Variants in EXOC4 observed in about 807,000 individuals in gnomAD.
EXOC4 encodes the protein SEC8-like 1.
EXOC4 carries 71 observed loss-of-function variants against 107.2 expected under a neutral mutation model. The ratio of observed to expected loss-of-function variants is 0.66; its 90% CI spans 0.55 to 0.81. EXOC4 has a LOEUF of 0.81. EXOC4 is among the 30% of genes least tolerant of loss of function. The pLI is 0.00. For missense variants in EXOC4, 1,108 were observed against 1,189.6 expected (o/e 0.93, Z 1.01); for synonymous variants, 456 against 441.2 (o/e 1.03, Z -0.42).
chr7:133,781,114 C>T (rs1343349430), intron 10 of EXOC4, among the ~76,000 whole-genome samples: 1 of 152,194 alleles, frequency 6.6e-6, no homozygotes, highest in East Asian at 1.9e-4. Flanking sequence ...AAAATGCTGA[C>T]TCTTGGATAT....
intron 7 of EXOC4, among the ~76,000 whole-genome samples, chr7:133,474,992 T>C (rs1344933282): frequency 6.6e-6 from 1 of 152,134 alleles, no homozygotes; most frequent in Non-Finnish European, 1.5e-5. Context: ...GCTGCTGTAG[T>C]TTGGAATATG....
intron 17 of EXOC4, among the ~76,000 whole-genome samples, chr7:134,011,330 A>G (rs755153127): frequency 3.3e-5 from 5 of 152,104 alleles, no homozygotes; most frequent in Non-Finnish European, 5.9e-5. Flanking sequence ...GAGTGACGCC[A>G]TTGTTCAAAA....
At position 134,057,170 on chromosome 7, in the gene EXOC4, C is replaced by A. The variant is rs528935196; in HGVS notation, c.2688-7121C>A. Among the ~76,000 whole-genome samples, 165 of 152,252 alleles carry A rather than the reference C, an allele frequency of 1.1e-3. 3 individuals are homozygous for A. The South Asian group carries it at 0.032, about 30-fold the overall frequency. Reference sequence around the variant, plus strand: ...TGCATGTGTCACTATATATAAAAAACAGGTAGGTAGATGACCGATCAAAGA... The same window carrying A: ...TGCATGTGTCACTATATATAAAAAAAAGGTAGGTAGATGACCGATCAAAGA... On this transcript the variant is annotated intron_variant, in intron 17 of 17. Coordinates refer to ENST00000253861, the MANE Select transcript of EXOC4 (RefSeq NM_021807.4).
chr7:134,060,325 T>G (rs1796026759), intron 17 of EXOC4, among the ~76,000 whole-genome samples: 1 of 152,184 alleles, frequency 6.6e-6, no homozygotes. Context: ...AACTCTTTGG[T>G]CTCCAGAATA....
intron 9 of EXOC4, among the ~76,000 whole-genome samples, chr7:133,501,869 A>G (rs769252920): frequency 6.6e-6 from 1 of 152,120 alleles, no homozygotes; most frequent in Non-Finnish European, 1.5e-5. Context: ...TTGTAAGCCC[A>G]CTTATTATTT....
At chr7:133,296,809 C>T (rs1794529659) in intron 3 of EXOC4, among the ~76,000 whole-genome samples, 1 of 151,986 alleles carries the variant, frequency 6.6e-6, no homozygotes, top group Admixed American at 6.6e-5. Context: ...ATTTGGCTTG[C>T]TTGGCTATGG....
At chr7:134,030,616 C>A (rs1795246352) in intron 17 of EXOC4, among the ~76,000 whole-genome samples, 1 of 152,118 alleles carries the variant, frequency 6.6e-6, no homozygotes, top group Admixed American at 6.5e-5. Context: ...GATTTAATGA[C>A]AAAGGCTTGG....
intron 11 of EXOC4, among the ~76,000 whole-genome samples, chr7:133,836,603 A>C (rs7800126): frequency 0.46 from 69,968 of 152,048 alleles, 17,095 homozygotes; most frequent in African/African-American, 0.62. Flanking sequence ...CTCTAAAGGC[A>C]GAACACGTTT....
chr7:133,559,475 A>G (rs912039311), intron 9 of EXOC4, among the ~76,000 whole-genome samples: 2 of 152,268 alleles, frequency 1.3e-5, no homozygotes, highest in East Asian at 1.9e-4. Flanking sequence ...GGGTCTCAGT[A>G]TCTTTTGTTG....
intron 9 of EXOC4, among the ~76,000 whole-genome samples, chr7:133,574,645 G>C (rs77112963): frequency 6.6e-6 from 1 of 152,026 alleles, no homozygotes; most frequent in Admixed American, 6.5e-5. Flanking sequence ...CACGAATGAA[G>C]AATGAAGCTC....
chr7:133,608,674 G>T (rs1321740735), intron 9 of EXOC4, among the ~76,000 whole-genome samples: 1 of 147,960 alleles, frequency 6.8e-6, no homozygotes, highest in Non-Finnish European at 1.5e-5. Flanking sequence ...CCCAGCTCCT[G>T]AGTAGCTGGG....
intron 9 of EXOC4, among the ~76,000 whole-genome samples, chr7:133,608,110 G>A (rs1764727959): frequency 6.6e-6 from 1 of 151,956 alleles, no homozygotes; most frequent in Admixed American, 6.6e-5. Context: ...TTTTCCTGGG[G>A]GTTTATTGTT....
At chr7:133,728,949 G>T (rs537615139) in intron 10 of EXOC4, among the ~76,000 whole-genome samples, 1 of 152,208 alleles carries the variant, frequency 6.6e-6, no homozygotes, top group South Asian at 2.1e-4. Context: ...TCTCCTCCCA[G>T]GAGGATTATT....
In EXOC4 at chr7:133,287,379, C is replaced by T. The variant is rs369075800; in HGVS notation, c.277-1543C>T. ...AGGCTGGAGTGCAGTGGCACGATCTCGGCTCACTGCAAGCTCTGCCTCCCA... is the reference window on the plus strand; with the variant it reads ...AGGCTGGAGTGCAGTGGCACGATCTTGGCTCACTGCAAGCTCTGCCTCCCA... On this transcript the variant is annotated intron_variant, in intron 2 of 17. Transcript: ENST00000253861. Among the ~76,000 whole-genome samples the T allele has an allele frequency of 2.9e-4, 44 of 152,100 alleles. 1 individual carries two copies. Among genetic ancestry groups the T allele is most frequent in the Middle Eastern group, 3.4e-3 (1 of 294 alleles).
chr7:134,000,238 T>C (rs7785128), intron 15 of EXOC4, among the ~76,000 whole-genome samples: 111,325 of 152,008 alleles, frequency 0.73, 41,476 homozygotes, highest in East Asian at 0.91. Context: ...TGAATGTAGA[T>C]GCACTTACTC....
intron 10 of EXOC4, among the ~76,000 whole-genome samples, chr7:133,736,985 A>G (rs1795457233): frequency 6.6e-6 from 1 of 152,196 alleles, no homozygotes; most frequent in Non-Finnish European, 1.5e-5. Flanking sequence ...CACCTATGCC[A>G]TAAACATCAT....
At chr7:133,669,710 G>T (rs1395464540) in intron 10 of EXOC4, among the ~76,000 whole-genome samples, 1 of 152,154 alleles carries the variant, frequency 6.6e-6, no homozygotes, top group Non-Finnish European at 1.5e-5. Context: ...GTAAGAGATG[G>T]TGTTCAGAAA....
chr7:133,680,589 C>T (rs1434555434), intron 10 of EXOC4, among the ~76,000 whole-genome samples: 1 of 152,136 alleles, frequency 6.6e-6, no homozygotes, highest in Non-Finnish European at 1.5e-5. Flanking sequence ...ACTCTCCACC[C>T]CCATCTTGTA....
At chr7:133,475,630 C>A (rs1490447297) in intron 8 of EXOC4, among the ~76,000 whole-genome samples, 157 bp downstream of exon 8, 1 of 152,078 alleles carries the variant, frequency 6.6e-6, no homozygotes, top group Non-Finnish European at 1.5e-5. Flanking sequence ...TTTTTGTTTT[C>A]TGTCAGGTGA....
Sources: gnomAD v4.1 joint callset for allele counts (sites outside exome capture counted in the v4.1 genomes callset) on GRCh38, gnomAD v4.1.1 for gene constraint, MANE v1.5 for transcripts, NCBI Gene and HGNC (gene_info 2026-07-23, HGNC 2026-07-21) for gene names.